Variants in CHRM3 observed in about 807,000 individuals in gnomAD.
CHRM3 encodes muscarinic acetylcholine receptor M3.
CHRM3 carries 11 observed loss-of-function variants against 41.8 expected under a neutral mutation model. The observed-to-expected ratio is 0.26, with a 90% confidence interval of 0.17 to 0.44. The LOEUF (loss-of-function observed/expected upper bound fraction) is 0.44. CHRM3 is among the 20% of genes least tolerant of loss of function. The pLI, the probability that CHRM3 is intolerant of heterozygous loss-of-function variation, is 1.00. For missense variants in CHRM3, 571 were observed against 745.4 expected, an observed-to-expected ratio of 0.77 and a Z score of 2.72; for synonymous variants, 297 against 301.4, an observed-to-expected ratio of 0.99 and a Z score of 0.15.
chr1:239,820,853 A>C (rs1158424575), intron 5 of CHRM3, among the ~76,000 whole-genome samples: 1 of 152,166 alleles, frequency 6.6e-6, no homozygotes, highest in African/African-American at 2.4e-5. Context: ...TACCCCCCAA[A>C]TTGCAAATCT....
At chr1:239,495,055 AC>A (rs1236824176) in intron 2 of CHRM3, among the ~76,000 whole-genome samples, 2 of 152,132 alleles carry the variant, frequency 1.3e-5, no homozygotes, top group African/African-American at 4.8e-5. Flanking sequence ...ACTCTGTTGT[AC>A]ATTTCTGACT....
At chr1:239,760,564 T>A (rs1354422989) in intron 5 of CHRM3, among the ~76,000 whole-genome samples, 1 of 152,118 alleles carries the variant, frequency 6.6e-6, no homozygotes, top group Non-Finnish European at 1.5e-5. Flanking sequence ...CTTACACTAG[T>A]CCCTCTCCCC....
At chr1:239,591,003 T>TCACACA (rs1664073209) in intron 3 of CHRM3, among the ~76,000 whole-genome samples, 1 of 152,140 alleles carries the variant, frequency 6.6e-6, no homozygotes, top group Non-Finnish European at 1.5e-5. Context: ...AGTCTCCCCA[T>TCACACA]CACAGTAAGT....
chr1:239,494,574 T>C (rs1169415676), intron 2 of CHRM3, among the ~76,000 whole-genome samples: 1 of 152,170 alleles, frequency 6.6e-6, no homozygotes, highest in Non-Finnish European at 1.5e-5. Flanking sequence ...CCAGAATACA[T>C]GTGCAAGATG....
At chr1:239,577,431 A>G (rs1662473947) in intron 3 of CHRM3, among the ~76,000 whole-genome samples, 1 of 152,220 alleles carries the variant, frequency 6.6e-6, no homozygotes, top group Non-Finnish European at 1.5e-5. Context: ...TAATGACTGA[A>G]GTTCTCATAT....
intron 6 of CHRM3, among the ~76,000 whole-genome samples, chr1:239,834,752 C>T (rs554377331): frequency 7.2e-5 from 11 of 152,192 alleles, no homozygotes; most frequent in South Asian, 2.1e-4. Flanking sequence ...ACTGTGTATA[C>T]GGCTGCCTCC....
At chr1:239,646,618 T>C (rs1671760107) in intron 4 of CHRM3, among the ~76,000 whole-genome samples, 2 of 152,132 alleles carry the variant, frequency 1.3e-5, no homozygotes, top group African/African-American at 4.8e-5. Context: ...GCAGGATTTA[T>C]ATAGGCAGAA....
At chr1:239,889,427 G>A (rs148624123) in intron 6 of CHRM3, among the ~76,000 whole-genome samples, 73 of 152,248 alleles carry the variant, frequency 4.8e-4, no homozygotes, top group African/African-American at 1.7e-3. Flanking sequence ...TGGAGCCTCC[G>A]TGTTGGACAT....
At chr1:239,452,491 A>G (rs1055802593) in intron 1 of CHRM3, among the ~76,000 whole-genome samples, 20 of 152,212 alleles carry the variant, frequency 1.3e-4, no homozygotes, top group Non-Finnish European at 7.3e-5. Flanking sequence ...ATCGAGCAGG[A>G]TTCTAAGTAT....
chr1:239,616,564 G>T (rs1667657225), intron 3 of CHRM3, among the ~76,000 whole-genome samples: 1 of 152,074 alleles, frequency 6.6e-6, no homozygotes, highest in South Asian at 2.1e-4. Context: ...TTTTCTGAAA[G>T]ATTTTTTTAC....
chr1:239,462,786 C>T (rs1251655393), intron 1 of CHRM3, among the ~76,000 whole-genome samples: 3 of 152,166 alleles, frequency 2.0e-5, no homozygotes, highest in Non-Finnish European at 4.4e-5. Context: ...GCAGCTTTTT[C>T]CTTGATGCTT....
chr1:239,468,853 G>T (rs1376288925), intron 1 of CHRM3, among the ~76,000 whole-genome samples: 2 of 152,146 alleles, frequency 1.3e-5, no homozygotes, highest in African/African-American at 2.4e-5. Context: ...AATTGGGAAA[G>T]ATATGTCTAG....
At chr1:239,518,293 C>T (rs1669407479) in intron 2 of CHRM3, among the ~76,000 whole-genome samples, 1 of 152,204 alleles carries the variant, frequency 6.6e-6, no homozygotes, top group Non-Finnish European at 1.5e-5. Flanking sequence ...AAGCCTTTCA[C>T]CTCTTCATAA....
intron 4 of CHRM3, among the ~76,000 whole-genome samples, chr1:239,664,358 C>T (rs373850577): frequency 2.4e-4 from 36 of 152,288 alleles, no homozygotes; most frequent in African/African-American, 8.4e-4. Flanking sequence ...AAAAGTCCTG[C>T]TTGTGTGTGG....
chr1:239,445,616 G>A (rs546940398), intron 1 of CHRM3, among the ~76,000 whole-genome samples: 1 of 152,202 alleles, frequency 6.6e-6, no homozygotes, highest in South Asian at 2.1e-4. Context: ...TCTCTTTCCA[G>A]GATTGTTGTA....
chr1:239,487,313 T>C (rs1299088040), intron 1 of CHRM3, among the ~76,000 whole-genome samples: 2 of 152,170 alleles, frequency 1.3e-5, no homozygotes, highest in African/African-American at 4.8e-5. Flanking sequence ...TCAGATAATA[T>C]AGTCTTCAGT....
rs571154201 is a variant in CHRM3 at position 239,644,375 on chromosome 1, C to T, written c.-250+12089C>T. On this transcript the variant is annotated intron_variant, in intron 4 of 6. Coordinates refer to ENST00000676153, the MANE Select transcript of CHRM3 (RefSeq NM_001375978.1). Reference sequence around the variant, plus strand: ...CCCACCCCTGGCTCTGTCCTGTTCCCCCAGGGTCCTCAGCCTCAGAGCCTA... The same window carrying T: ...CCCACCCCTGGCTCTGTCCTGTTCCTCCAGGGTCCTCAGCCTCAGAGCCTA... Among the ~76,000 whole-genome samples, 5 of 152,278 alleles carry T rather than the reference C, an allele frequency of 3.3e-5. No individual in the cohort carries two copies. The South Asian group carries it at 1.0e-3, about 32-fold the overall frequency.
At chr1:239,801,292 C>T (rs1392873382) in intron 5 of CHRM3, among the ~76,000 whole-genome samples, 1 of 152,180 alleles carries the variant, frequency 6.6e-6, no homozygotes, top group Non-Finnish European at 1.5e-5. Flanking sequence ...AAAGTCCCTG[C>T]CATCAGCTAC....
chr1:239,823,263 GA>G (rs1672194341), intron 5 of CHRM3, among the ~76,000 whole-genome samples: 1 of 152,120 alleles, frequency 6.6e-6, no homozygotes, highest in Non-Finnish European at 1.5e-5. Context: ...CAGAGTCAAT[GA>G]CATAATCATA....
Sources: gnomAD v4.1 joint callset for allele counts (sites outside exome capture counted in the v4.1 genomes callset) on GRCh38, gnomAD v4.1.1 for gene constraint, MANE v1.5 for transcripts, NCBI Gene and HGNC (gene_info 2026-07-23, HGNC 2026-07-21) for gene names.